The following ZFHX3 variants were observed in gnomAD, a reference collection of about 807,000 sequenced individuals.
The protein encoded by ZFHX3 is zinc finger homeobox protein 3.
Under a neutral mutation model 279.1 loss-of-function variants are expected in ZFHX3, and 42 were observed. The ratio of observed to expected loss-of-function variants is 0.15; its 90% confidence interval spans 0.12 to 0.19. The LOEUF (loss-of-function observed/expected upper bound fraction) is 0.19. Ranked by LOEUF, ZFHX3 falls within the 10% of genes least tolerant of loss-of-function variation. The pLI is 1.00. For synonymous variants in ZFHX3, 2,293 were observed against 1,957.8 expected (o/e 1.17, Z -4.52); for missense variants, 4,981 against 4,754.0 (o/e 1.05, Z -1.40).
intron 1 of ZFHX3, among the ~76,000 whole-genome samples, chr16:73,013,899 C>T (rs540500947): frequency 5.3e-5 from 8 of 152,270 alleles, no homozygotes; most frequent in East Asian, 3.9e-4. Context: ...CCCCCGAAGA[C>T]GCCCACATCC....
chr16:73,446,224 T>C (rs2018183033), intron 3 of ZFHX3, among the ~76,000 whole-genome samples: 1 of 152,080 alleles, frequency 6.6e-6, no homozygotes, highest in South Asian at 2.1e-4. Flanking sequence ...CTGGAGGCCA[T>C]TGTATTAGTC....
At position 72,794,815 on chromosome 16, in the gene ZFHX3, T is replaced by C; in HGVS notation, c.7867A>G (p.Ser2623Gly). 6.2e-7 allele frequency: 1 copy of C among 1,614,140 alleles called. No individual in the cohort carries two copies. The highest frequency in any genetic ancestry group is 1.7e-5 in the Admixed American group (1 of 60,020). Residue 2623 changes from serine to glycine, a missense_variant, in exon 9 of 10, where the codon AGT becomes GGT. Physicochemically the swap from Ser to Gly is moderately conservative, Grantham distance 56. Coordinates refer to ENST00000268489, the MANE Select transcript of ZFHX3 (RefSeq NM_006885.4). This position sits in a 1 kb window ranked among gnomAD's most constrained non-coding sequence, Gnocchi z 4.2. ...CTGTCGTTTTCGCCAGGGCTTGCACTGGCCTTTTCCTCCAGCTTCCTCTTG... is the reference window on the plus strand; with the variant it reads ...CTGTCGTTTTCGCCAGGGCTTGCACCGGCCTTTTCCTCCAGCTTCCTCTTG... ...TLKRKLEEKA[S>G]ASPGENDSGT...
rs142323531 is a variant in ZFHX3 at position 73,202,456 on chromosome 16, C to G, written c.-1104+54591G>C. Among the ~76,000 whole-genome samples, 884 of 152,310 alleles carry G rather than the reference C, an allele frequency of 5.8e-3. 6 individuals are homozygous for G. Among genetic ancestry groups the G allele is most frequent in the Non-Finnish European group, 0.01 (695 of 68,018 alleles). On this transcript the variant is annotated intron_variant, in intron 5 of 17. Coordinates refer to the ZFHX3 transcript ENST00000641206. ...CAAAGAGTTTCTGTACTAAGGCAGC[C>G]CAGCCATATGGCCAGTTTGGCCCAG...
chr16:73,050,265 C>T (rs942498204), upstream of ZFHX3, among the ~76,000 whole-genome samples: 1 of 152,206 alleles, frequency 6.6e-6, no homozygotes, highest in Non-Finnish European at 1.5e-5. Flanking sequence ...GGGCAGAAGG[C>T]CCGGACGGGA....
Position 73,540,817 on chromosome 16 carries a change from C to T in ZFHX3, c.-1546-84559G>A, listed in dbSNP as rs186778724. Reference sequence around the variant, plus strand: ...AGTCACTCTCACGCAAAGCCATCAACCTGCTCACTGTCAGAGGCCTCTGAG... The same window carrying T: ...AGTCACTCTCACGCAAAGCCATCAATCTGCTCACTGTCAGAGGCCTCTGAG... On this transcript the variant is annotated intron_variant, in intron 2 of 17. Transcript: ENST00000641206. Among the ~76,000 whole-genome samples, 174 of 152,328 alleles carry T rather than the reference C, an allele frequency of 1.1e-3. 2 individuals are homozygous for T. The highest frequency in any genetic ancestry group is 4.1e-3 in the African/African-American group (169 of 41,582).
At chr16:72,966,102 C>T (rs559744533) in intron 1 of ZFHX3, among the ~76,000 whole-genome samples, 42 of 152,208 alleles carry the variant, frequency 2.8e-4, no homozygotes, top group Non-Finnish European at 4.6e-4. Flanking sequence ...CACAGAGGTC[C>T]GTGTGTCTCG....
At chr16:73,497,879 T>C (rs1421501458) in intron 2 of ZFHX3, among the ~76,000 whole-genome samples, 1 of 152,214 alleles carries the variant, frequency 6.6e-6, no homozygotes, top group East Asian at 1.9e-4. Context: ...AACAAAAAGT[T>C]GAATAGATCC....
chr16:73,598,353 T>A (rs927000161), intron 2 of ZFHX3, among the ~76,000 whole-genome samples: 1 of 152,190 alleles, frequency 6.6e-6, no homozygotes, highest in Non-Finnish European at 1.5e-5. Context: ...AGTTCATATG[T>A]ATTTTCTTTT....
At chr16:73,773,855 A>T (rs1269498000) in intron 1 of ZFHX3, among the ~76,000 whole-genome samples, 1 of 152,168 alleles carries the variant, frequency 6.6e-6, no homozygotes, top group East Asian at 1.9e-4. Context: ...AGTTGAAAAG[A>T]GGCCAGATGC....
chr16:73,883,399 ATGTGTGTG>A (rs34914604), intron 1 of ZFHX3, among the ~76,000 whole-genome samples: 26 of 149,174 alleles, frequency 1.7e-4, no homozygotes, highest in African/African-American at 4.7e-4. Context: ...AGCCATATAT[ATGTGTGTG>A]TGTGTGTGTG....
intron 2 of ZFHX3, among the ~76,000 whole-genome samples, chr16:73,543,548 A>G (rs976191320): frequency 2.6e-5 from 4 of 152,150 alleles, no homozygotes; most frequent in African/African-American, 4.8e-5. Flanking sequence ...CGTGGTGTAA[A>G]GGGAGCAGCT....
chr16:73,658,186 TG>T (rs1176003090), intron 2 of ZFHX3, among the ~76,000 whole-genome samples: 2 of 152,350 alleles, frequency 1.3e-5, no homozygotes, highest in South Asian at 4.2e-4. Flanking sequence ...TTTGTTCAAC[TG>T]GAATATATGA....
At chr16:73,573,582 C>T (rs776714774) in intron 2 of ZFHX3, among the ~76,000 whole-genome samples, 1 of 152,182 alleles carries the variant, frequency 6.6e-6, no homozygotes, top group Admixed American at 6.5e-5. Context: ...GCGTTACAGT[C>T]GTGGTTCATA....
intron 5 of ZFHX3, among the ~76,000 whole-genome samples, chr16:73,168,805 C>G (rs989087753): frequency 6.6e-6 from 1 of 152,112 alleles, no homozygotes; most frequent in Admixed American, 6.6e-5. Context: ...TCAGCAATAC[C>G]GACCGTCCAC....
chr16:73,458,589 C>T (rs1445010191), intron 2 of ZFHX3, among the ~76,000 whole-genome samples: 1 of 152,068 alleles, frequency 6.6e-6, no homozygotes, highest in African/African-American at 2.4e-5. Flanking sequence ...AACTCCTGAC[C>T]TCAGGTGATC....
chr16:73,529,936 GGT>G (rs10666234), intron 2 of ZFHX3, among the ~76,000 whole-genome samples: 1 of 151,356 alleles, frequency 6.6e-6, no homozygotes, highest in Non-Finnish European at 1.5e-5. Context: ...AAGTATTTTG[GGT>G]GTGTGTGTGT....
intron 4 of ZFHX3, among the ~76,000 whole-genome samples, chr16:73,268,287 TG>T (rs2014037327): frequency 6.6e-6 from 1 of 152,214 alleles, no homozygotes; most frequent in South Asian, 2.1e-4. Flanking sequence ...TGCAGAGTTC[TG>T]GGGGAGATGC....
At chr16:73,685,020 T>C (rs1296325016) in intron 1 of ZFHX3, among the ~76,000 whole-genome samples, 2 of 39,974 alleles carry the variant, frequency 5.0e-5, no homozygotes, top group African/African-American at 9.2e-5. Flanking sequence ...ATTTTATTTA[T>C]TATTATTTTT....
intron 5 of ZFHX3, chr16:72,821,997 T>G (rs184490743): frequency 6.6e-5 from 10 of 152,314 alleles, no homozygotes; most frequent in African/African-American, 2.2e-4. Flanking sequence ...ACACTGAAAC[T>G]TGGTTTTTAA....
Sources: allele counts gnomAD v4.1 joint callset (sites outside exome capture counted in the v4.1 genomes callset), GRCh38; gene constraint gnomAD v4.1.1; non-coding constraint Gnocchi (gnomAD v3.1); transcripts MANE v1.5; gene names NCBI Gene and HGNC (gene_info 2026-07-23, HGNC 2026-07-21).